GALNT1: variants seen among roughly 807,000 people sequenced by gnomAD.
The protein encoded by GALNT1 is GalNAc transferase 1.
Under a neutral mutation model 65.7 loss-of-function variants are expected in GALNT1, and 17 were observed. The ratio of observed to expected loss-of-function variants is 0.26; its 90% CI spans 0.18 to 0.39. GALNT1 has a LOEUF of 0.39. Ranked by LOEUF, GALNT1 falls within the 10% of genes least tolerant of loss-of-function variation. GALNT1 has a pLI of 1.00. For synonymous variants in GALNT1, 210 were observed against 219.7 expected (o/e 0.96, Z 0.39); for missense variants, 460 against 672.8 (o/e 0.68, Z 3.50).
chr18:35,608,135 T>G (rs562438007), intron 1 of GALNT1, among the ~76,000 whole-genome samples: 2 of 152,114 alleles, frequency 1.3e-5, no homozygotes, highest in African/African-American at 4.8e-5. Context: ...ATTTTAAAAT[T>G]TTTCTCAGTA....
chr18:35,677,552 A>G (rs754793341), intron 3 of GALNT1, 39 bp from the exon 4 acceptor site: 4 of 1,553,404 alleles, frequency 2.6e-6, no homozygotes, highest in Middle Eastern at 3.4e-4. Flanking sequence ...ATGCAATCTT[A>G]ACAGTCACTT....
chr18:35,619,149 T>A (rs563153387), intron 1 of GALNT1, among the ~76,000 whole-genome samples: 52 of 152,316 alleles, frequency 3.4e-4, no homozygotes, highest in African/African-American at 1.3e-3. Context: ...AATTTGTGAC[T>A]AACCAGAACA....
In GALNT1 at chr18:35,581,805, G is replaced by C. The variant is rs1598776627; in HGVS notation, c.-161G>C. On this transcript the variant is annotated 5_prime_UTR_variant, in exon 1 of 12. Coordinates refer to ENST00000269195, the MANE Select transcript of GALNT1 (RefSeq NM_020474.4). ...GCGCGCTGGCCGCGGGACCGGCCGC[G>C]ACCGCCGCGGCCGGCCCGGAGGACG... The C allele has an allele frequency of 1.2e-4, 1 of 8,678 alleles. No homozygotes were observed. Among genetic ancestry groups the C allele is most frequent in the South Asian group, 1.4e-3 (1 of 696 alleles). 0.5% of individuals were successfully genotyped at this position (8,678 alleles called of 1,614,324 possible). A position where few individuals can be genotyped will look rare whatever the true frequency, so the allele number is the denominator to read the frequency against.
intron 1 of GALNT1, among the ~76,000 whole-genome samples, chr18:35,653,126 A>C (rs2047332083): frequency 6.6e-6 from 1 of 152,210 alleles, no homozygotes; most frequent in Non-Finnish European, 1.5e-5. Flanking sequence ...CAGGTGACCC[A>C]GTATCAGGTA....
At chr18:35,689,439 ATAGTAAGGGTTCATTATAAAC>A (rs1319617346) in intron 7 of GALNT1, 149 bp downstream of exon 7, 2 of 585,658 alleles carry the variant, frequency 3.4e-6, no homozygotes, top group East Asian at 6.1e-5. Flanking sequence ...AAAAGGACTG[ATAGTAAGGGTTCATTATAAAC>A]TATTGAAGCA....
intron 1 of GALNT1, among the ~76,000 whole-genome samples, chr18:35,654,117 T>G (rs953774733): frequency 6.6e-6 from 1 of 152,202 alleles, no homozygotes; most frequent in African/African-American, 2.4e-5. Context: ...ATTAATAGCT[T>G]GACTTTTACC....
chr18:35,585,788 A>G (rs906182013), intron 1 of GALNT1, among the ~76,000 whole-genome samples: 8 of 152,230 alleles, frequency 5.3e-5, no homozygotes, highest in Admixed American at 3.3e-4. Flanking sequence ...AGGTTGTTGC[A>G]TGTATCAGTA....
intron 1 of GALNT1, among the ~76,000 whole-genome samples, chr18:35,651,741 T>C (rs944309861): frequency 2.0e-5 from 3 of 152,188 alleles, no homozygotes; most frequent in African/African-American, 7.2e-5. Flanking sequence ...ACAATAATGG[T>C]GGCAATAAAG....
chr18:35,688,791 C>T (rs1172325351), intron 6 of GALNT1, among the ~76,000 whole-genome samples: 4 of 152,132 alleles, frequency 2.6e-5, no homozygotes, highest in Non-Finnish European at 4.4e-5. Context: ...TTGCTAGGAT[C>T]TGTGGAGTGG....
intron 5 of GALNT1, 81 bp downstream of exon 5, chr18:35,683,679 T>G: frequency 9.5e-7 from 1 of 1,057,262 alleles, no homozygotes; most frequent in Non-Finnish European, 1.3e-6. Flanking sequence ...CTATATTTTT[T>G]AAATAAATAT....
At chr18:35,634,260 A>G (rs2047060678) in intron 1 of GALNT1, among the ~76,000 whole-genome samples, 1 of 152,198 alleles carries the variant, frequency 6.6e-6, no homozygotes, top group South Asian at 2.1e-4. Flanking sequence ...CAAATACAGT[A>G]ACATTGCTAG....
At chr18:35,696,438 T>C (rs1478007942) in intron 9 of GALNT1, among the ~76,000 whole-genome samples, 2 of 152,268 alleles carry the variant, frequency 1.3e-5, no homozygotes, top group African/African-American at 4.8e-5. Context: ...CAGCTAACGC[T>C]GACGTTCGTA....
At chr18:35,598,031 C>T (rs1233016578) in intron 1 of GALNT1, among the ~76,000 whole-genome samples, 2 of 107,876 alleles carry the variant, frequency 1.9e-5, no homozygotes, top group Admixed American at 1.1e-4. Flanking sequence ...CCAATCCCCT[C>T]CCATCCCCTC....
At chr18:35,662,941 T>C (rs1410523897) in intron 2 of GALNT1, among the ~76,000 whole-genome samples, 1 of 152,108 alleles carries the variant, frequency 6.6e-6, no homozygotes, top group Non-Finnish European at 1.5e-5. Flanking sequence ...ATGGGAGGGG[T>C]ACATAAGACA....
intron 1 of GALNT1, among the ~76,000 whole-genome samples, chr18:35,616,651 T>C (rs1053664706): frequency 6.6e-6 from 1 of 152,184 alleles, no homozygotes; most frequent in African/African-American, 2.4e-5. Context: ...GTTTTAGTGT[T>C]GTGTTTTAAT....
intron 1 of GALNT1, among the ~76,000 whole-genome samples, chr18:35,597,835 A>G (rs948756332): frequency 2.6e-5 from 4 of 152,144 alleles, no homozygotes; most frequent in Non-Finnish European, 5.9e-5. Flanking sequence ...TTCAACATAT[A>G]TATGTAAATG....
chr18:35,587,341 C>A (rs1320562882), intron 1 of GALNT1, among the ~76,000 whole-genome samples: 4 of 152,136 alleles, frequency 2.6e-5, no homozygotes, highest in African/African-American at 9.7e-5. Flanking sequence ...CACACTTTTT[C>A]TTGCCTTTTC....
intron 3 of GALNT1, among the ~76,000 whole-genome samples, chr18:35,668,542 A>C (rs1023646908): frequency 2.0e-5 from 3 of 152,228 alleles, no homozygotes; most frequent in Non-Finnish European, 4.4e-5. Flanking sequence ...GATTATATGT[A>C]GATTATATGA....
At chr18:35,691,671 C>T (rs983960446) in intron 8 of GALNT1, among the ~76,000 whole-genome samples, 1 of 152,130 alleles carries the variant, frequency 6.6e-6, no homozygotes, top group Non-Finnish European at 1.5e-5. Flanking sequence ...ACTGAGAGCC[C>T]AAAACGTGCC....
Sources: allele counts gnomAD v4.1 joint callset (sites outside exome capture counted in the v4.1 genomes callset), GRCh38; gene constraint gnomAD v4.1.1; transcripts MANE v1.5; gene names NCBI Gene and HGNC (gene_info 2026-07-23, HGNC 2026-07-21).